SELENOO: variants seen among roughly 807,000 people sequenced by gnomAD.
SELENOO encodes protein adenylyltransferase SelO, mitochondrial.
In SELENOO, 74 loss-of-function variants were observed where a neutral mutation model predicts 58.7. That is an observed-to-expected ratio of 1.26 (90% confidence interval 1.04 to 1.53). The LOEUF (loss-of-function observed/expected upper bound fraction) is 1.53. Ranked by LOEUF, SELENOO falls within the 40% of genes most tolerant of loss-of-function variation. The pLI, the probability that SELENOO is intolerant of heterozygous loss-of-function variation, is 0.00. For missense variants in SELENOO, 1,149 were observed against 970.0 expected (o/e 1.18, Z -2.45); for synonymous variants, 543 against 453.2 (o/e 1.20, Z -2.52).
At chr22:50,216,256 A>G (rs1161143835) in intron 6 of SELENOO, among the ~76,000 whole-genome samples, 2 of 152,210 alleles carry the variant, frequency 1.3e-5, no homozygotes, top group Non-Finnish European at 2.9e-5. Context: ...TTGTTGCTTT[A>G]ACTTAAAAAA....
chr22:50,214,752 A>T (rs1196409487), intron 5 of SELENOO, among the ~76,000 whole-genome samples: 1 of 152,234 alleles, frequency 6.6e-6, no homozygotes, highest in Admixed American at 6.5e-5. Flanking sequence ...GCAACAGAGC[A>T]AGACTCCGTC....
Position 50,217,043 on chromosome 22 carries a change from T to C in SELENOO, c.1760T>C (p.Met587Thr), listed in dbSNP as rs763554774. 1.2e-6 allele frequency: 2 copies of C among 1,612,522 alleles called. No homozygotes were observed. The highest frequency in any genetic ancestry group is 1.3e-5 in the African/African-American group (1 of 75,070). ...TGGCAGGCTGAGCACGTGCGCGTGATGCACGCCAACAACCCGAAGTACGTG... is the reference window on the plus strand; with the variant it reads ...TGGCAGGCTGAGCACGTGCGCGTGACGCACGCCAACAACCCGAAGTACGTG... ...AAWQAEHVRV[M>T]HANNPKYVLR... The change falls in exon 8 of 9, where the codon ATG becomes ACG. Residue 587 changes from methionine to threonine, a missense_variant. By Grantham distance (81) the Met-to-Thr change is moderately conservative. Coordinates refer to ENST00000380903, the MANE Select transcript of SELENOO (RefSeq NM_031454.2).
At chr22:50,207,676 A>G (rs1299875094) in intron 2 of SELENOO, among the ~76,000 whole-genome samples, 2 of 149,788 alleles carry the variant, frequency 1.3e-5, no homozygotes, top group Non-Finnish European at 3.0e-5. Flanking sequence ...CCCTGTGTGC[A>G]CACAGCATCC....
In SELENOO at chr22:50,201,043, G is replaced by GCGGA. The variant is rs2064293966; in HGVS notation, c.7_8insCGGA (p.Val3AlafsTer232). On this transcript the variant is annotated frameshift_variant, in exon 1 of 9. Coordinates refer to ENST00000380903, the MANE Select transcript of SELENOO (RefSeq NM_031454.2). LOFTEE classifies it high-confidence loss of function. ...GGCGGGAGCGGGGCCGCGGATGGCC[G>GCGGA]TATACAGGGCAGCGCTCGGGGCTTC... 7.7e-7 allele frequency: 1 copy of GCGGA among 1,306,082 alleles called. No homozygotes were observed. Among genetic ancestry groups the GCGGA allele is most frequent in the African/African-American group, 1.6e-5 (1 of 64,108 alleles). 80.9% of individuals were successfully genotyped at this position (1,306,082 alleles called of 1,614,324 possible). A position where few individuals can be genotyped will look rare whatever the true frequency, so the allele number is the denominator to read the frequency against.
chr22:50,201,090 G>T lies in SELENOO; in HGVS notation c.54G>T (p.Leu18Phe). The change falls in exon 1 of 9, where the codon TTG becomes TTT. Residue 18 changes from leucine to phenylalanine, a missense_variant. Coordinates refer to ENST00000380903, the MANE Select transcript of SELENOO (RefSeq NM_031454.2). The part of the protein sequence containing the change: ...LGASLAAARL[L>F]PLGRCSPSPA... ...CTTCGCTCGCGGCTGCCCGACTCTT[G>T]CCCCTCGGTCGCTGTTCCCCGTCGC... 1.5e-6 allele frequency: 2 copies of T among 1,366,556 alleles called. No individual in the cohort carries two copies. Among genetic ancestry groups the T allele is most frequent in the Non-Finnish European group, 1.9e-6 (2 of 1,059,702 alleles). 84.7% of individuals were successfully genotyped at this position (1,366,556 alleles called of 1,614,324 possible). A position where few individuals can be genotyped will look rare whatever the true frequency, so the allele number is the denominator to read the frequency against.
rs2147167582 is a variant in SELENOO at position 50,215,940 on chromosome 22, G to A, written c.1502+73G>A. On this transcript the variant is annotated intron_variant, in intron 6 of 8. Coordinates refer to ENST00000380903, the MANE Select transcript of SELENOO (RefSeq NM_031454.2). ...GCATAATCAGAAACAGAGGCTGGGGGAGAAGCTAGAGACAGAGCTGGCTGG... is the reference window on the plus strand; with the variant it reads ...GCATAATCAGAAACAGAGGCTGGGGAAGAAGCTAGAGACAGAGCTGGCTGG... 8 of 1,373,372 alleles carry A rather than the reference G, an allele frequency of 5.8e-6. 1 individual carries two copies. Among genetic ancestry groups the A allele is most frequent in the Middle Eastern group, 3.9e-4 (2 of 5,098 alleles). The allele number at this position is 1,373,372 out of a possible 1,614,324, so 85.1% of individuals were successfully genotyped here.
chr22:50,203,894 TAA>T (rs2064316797), intron 1 of SELENOO, among the ~76,000 whole-genome samples: 1 of 152,062 alleles, frequency 6.6e-6, no homozygotes, highest in Non-Finnish European at 1.5e-5. Flanking sequence ...GTATTAACAG[TAA>T]AAATGCAGCC....
At chr22:50,207,196 C>G (rs1048096969) in intron 2 of SELENOO, among the ~76,000 whole-genome samples, 32 of 152,072 alleles carry the variant, frequency 2.1e-4, no homozygotes, top group African/African-American at 7.5e-4. Context: ...GATCTTGGCT[C>G]AGTGCAACCT....
chr22:50,203,891 CA>C (rs76312212), intron 1 of SELENOO, among the ~76,000 whole-genome samples: 2,435 of 152,136 alleles, frequency 0.016, 52 homozygotes, highest in East Asian at 0.075. Flanking sequence ...ACAGTATTAA[CA>C]GTAAAAATGC....
rs768613317 is a variant in SELENOO, at chr22:50,210,304, C to T, written c.1063C>T (p.Leu355=). 15 of 1,612,908 alleles carry T rather than the reference C, an allele frequency of 9.3e-6. No individual in the cohort carries two copies. Among genetic ancestry groups the T allele is most frequent in the East Asian group, 4.5e-5 (2 of 44,872 alleles). ...CATCGACTACGGGCCCTTTGGCTTC[C>T]TGGACAGGTAAGTGGCCCTGGGGCC... ...LTIDYGPFGF[L]DRYDPDHVCN... is the part of the protein sequence containing the mutation. The change falls in exon 4 of 9, where the codon CTG becomes TTG. Residue 355 remains leucine (L), a synonymous_variant. Coordinates refer to ENST00000380903, the MANE Select transcript of SELENOO (RefSeq NM_031454.2).
intron 3 of SELENOO, 136 bp from the exon 4 acceptor site, chr22:50,210,044 AG>A: frequency 1.0e-6 from 1 of 1,002,330 alleles, no homozygotes; most frequent in Non-Finnish European, 1.5e-6. Context: ...ACAGGACATC[AG>A]GAAGATCGCC....
chr22:50,210,052 C>A (rs73187260), intron 3 of SELENOO, 129 bp from the exon 4 acceptor site: 3 of 1,094,920 alleles, frequency 2.7e-6, no homozygotes, highest in Non-Finnish European at 3.9e-6. Flanking sequence ...TCAGGAAGAT[C>A]GCCCAGAAAC....
chr22:50,210,000 C>T lies in SELENOO; in HGVS notation c.940-181C>T, dbSNP rs199554346. ...AAGAGTGGATGCTGTGAGTGCAACG[C>T]ACTCTTCATCGCCACCTTGTGGTTG... On this transcript the variant is annotated intron_variant, in intron 3 of 8. Coordinates refer to ENST00000380903, the MANE Select transcript of SELENOO (RefSeq NM_031454.2). Among the ~76,000 whole-genome samples, 10 of 152,362 alleles carry T rather than the reference C, an allele frequency of 6.6e-5. No individual in the cohort carries two copies. The East Asian group carries it at 1.2e-3, about 18-fold the overall frequency.
chr22:50,215,412 G>C (rs2064398615), intron 5 of SELENOO, among the ~76,000 whole-genome samples: 1 of 151,918 alleles, frequency 6.6e-6, no homozygotes, highest in Non-Finnish European at 1.5e-5. Context: ...AGCGGGGCTT[G>C]TGTGGCACCT....
rs373590090 is a variant in SELENOO, at chr22:50,210,195, G to T, written c.954G>T (p.Thr318=). 5.0e-6 allele frequency: 8 copies of T among 1,613,186 alleles called. No homozygotes were observed. Among genetic ancestry groups the T allele is most frequent in the African/African-American group, 1.3e-5 (1 of 74,944 alleles). ...TCCCACCCCAGGTGACGCGGCGCAC[G>T]GCGCGGATGGTGGCCGAGTGGCAGT... ...AAFFREVTRR[T]ARMVAEWQCV... is the part of the protein sequence containing the mutation. Residue 318 remains threonine (T), a synonymous_variant, in exon 4 of 9, where the codon ACG becomes ACT. Coordinates refer to ENST00000380903, the MANE Select transcript of SELENOO (RefSeq NM_031454.2).
At chr22:50,206,260 C>T in intron 1 of SELENOO, 57 bp from the exon 2 acceptor site, 2 of 1,485,188 alleles carry the variant, frequency 1.3e-6, no homozygotes, top group Non-Finnish European at 1.9e-6. Context: ...GCCCGGAATC[C>T]TGGTGTTGGG....
intron 2 of SELENOO, among the ~76,000 whole-genome samples, chr22:50,207,461 C>T (rs771213607): frequency 3.3e-5 from 5 of 151,962 alleles, no homozygotes; most frequent in Non-Finnish European, 4.4e-5. Context: ...TGCCACCTGG[C>T]GTCTAGCACT....
rs1160437791 is a variant in SELENOO, at chr22:50,216,758, G to T, written c.1570G>T (p.Ala524Ser). The change falls in exon 7 of 9, where the codon GCA (alanine) becomes TCA (serine). Residue 524 changes from alanine to serine, a missense_variant. Ala to Ser is a moderately conservative substitution (Grantham distance 99, BLOSUM62 1). Transcript: ENST00000380903. ...GCTGTTCGCGCTTATGGGCACCCGG[G>T]CAGGCATCGCCAGGGAGCTGGAGCG... Reference protein sequence around the residue: ...PQLFALMGTRAGIARELERVE... With the variant: ...PQLFALMGTRSGIARELERVE... 6.2e-7 allele frequency: 1 copy of T among 1,607,932 alleles called. No homozygotes were observed.
Position 50,210,906 on chromosome 22 carries a change from T to C in SELENOO, c.1346T>C (p.Leu449Pro). The change falls in exon 5 of 9, where the codon CTG becomes CCG. Residue 449 changes from leucine to proline, a missense_variant. Transcript: ENST00000380903. Reference sequence around the variant, plus strand: ...TCCAAGCTCCTGGAGACCATGCATCTGACCGGTGAGTGACCCAGCCGTGCC... The same window carrying C: ...TCCAAGCTCCTGGAGACCATGCATCCGACCGGTGAGTGACCCAGCCGTGCC... Reference protein sequence around the residue: ...LVSKLLETMHLTGADFTNTFY... With the variant: ...LVSKLLETMHPTGADFTNTFY... 1 of 1,614,044 alleles carries C rather than the reference T, an allele frequency of 6.2e-7. No homozygotes were observed. Among genetic ancestry groups the C allele is most frequent in the Non-Finnish European group, 8.5e-7 (1 of 1,180,024 alleles).
Sources: gnomAD v4.1 joint callset for allele counts (sites outside exome capture counted in the v4.1 genomes callset) on GRCh38, gnomAD v4.1.1 for gene constraint, MANE v1.5 for transcripts, NCBI Gene and HGNC (gene_info 2026-07-23, HGNC 2026-07-21) for gene names.